The following GRID1 variants were observed in gnomAD, a reference collection of about 807,000 sequenced individuals.
GRID1 encodes glutamate ionotropic receptor delta type subunit 1, also known as glutamate receptor ionotropic, delta-1.
In GRID1, 28 loss-of-function variants were observed where a neutral mutation model predicts 98.0. That is an observed-to-expected ratio of 0.29 (90% CI 0.21 to 0.39). GRID1 has a LOEUF of 0.39. GRID1 is among the 10% of genes least tolerant of loss of function. The probability of loss-of-function intolerance (pLI) is 1.00; values close to 1 mark genes in which losing one functional copy is unlikely to be tolerated. For synonymous variants in GRID1, 553 were observed against 538.5 expected (o/e 1.03, Z -0.37); for missense variants, 1,111 against 1,340.5 (o/e 0.83, Z 2.67).
chr10:85,614,923 G>A (rs966801541), intron 14 of GRID1, among the ~76,000 whole-genome samples: 4 of 152,166 alleles, frequency 2.6e-5, no homozygotes, highest in South Asian at 2.1e-4. Flanking sequence ...AGCTTTCATT[G>A]GGGAGTGGAG....
At chr10:85,615,272 C>T (rs557669046) in intron 14 of GRID1, among the ~76,000 whole-genome samples, 68 of 152,300 alleles carry the variant, frequency 4.5e-4, no homozygotes, top group Admixed American at 1.8e-3. Context: ...CAAAGATTGG[C>T]TTTGGAGGCA....
intron 4 of GRID1, among the ~76,000 whole-genome samples, chr10:86,017,240 G>C (rs749591130): frequency 5.3e-5 from 8 of 152,208 alleles, no homozygotes; most frequent in Non-Finnish European, 1.0e-4. Context: ...ACTGAAAATA[G>C]AATTCCGGGC....
chr10:85,616,993 T>C (rs1430713359), intron 14 of GRID1, among the ~76,000 whole-genome samples: 1 of 152,140 alleles, frequency 6.6e-6, no homozygotes, highest in East Asian at 1.9e-4. Context: ...CACACATACA[T>C]CTACATCCTG....
intron 8 of GRID1, among the ~76,000 whole-genome samples, chr10:85,849,806 A>G (rs963492068): frequency 6.6e-6 from 1 of 152,160 alleles, no homozygotes; most frequent in Non-Finnish European, 1.5e-5. Flanking sequence ...CAACCAGCAC[A>G]TGTGCTTCTA....
chr10:86,009,531 G>A (rs1007299134), intron 4 of GRID1, among the ~76,000 whole-genome samples: 2 of 152,170 alleles, frequency 1.3e-5, no homozygotes, highest in Admixed American at 6.5e-5. Flanking sequence ...GCCAGGCCAC[G>A]CTGTTGAAGA....
At chr10:85,768,667 A>G (rs1257094745) in intron 8 of GRID1, among the ~76,000 whole-genome samples, 1 of 152,250 alleles carries the variant, frequency 6.6e-6, no homozygotes, top group Non-Finnish European at 1.5e-5. Flanking sequence ...AAAGAAAAAT[A>G]CATTTTTCAA....
chr10:85,736,997 T>A (rs1841889788), intron 8 of GRID1, among the ~76,000 whole-genome samples: 1 of 152,082 alleles, frequency 6.6e-6, no homozygotes, highest in Non-Finnish European at 1.5e-5. Context: ...AACCTGGGCC[T>A]TGGAGGGTAT....
chr10:85,948,144 C>T (rs1045235718), intron 4 of GRID1, among the ~76,000 whole-genome samples: 3 of 152,160 alleles, frequency 2.0e-5, no homozygotes, highest in Non-Finnish European at 2.9e-5. Flanking sequence ...TCAGTGTCTT[C>T]GTTTTGACAA....
At chr10:85,733,803 G>GT (rs1383308675) in intron 8 of GRID1, among the ~76,000 whole-genome samples, 3 of 152,162 alleles carry the variant, frequency 2.0e-5, no homozygotes, top group East Asian at 3.9e-4. Context: ...CCTCAATTAT[G>GT]TTTTTTTAAA....
At chr10:86,230,952 T>G (rs1484840407) in intron 2 of GRID1, among the ~76,000 whole-genome samples, 1 of 152,196 alleles carries the variant, frequency 6.6e-6, no homozygotes, top group South Asian at 2.1e-4. Flanking sequence ...CAGGCCCAAG[T>G]GGCCACACTT....
At chr10:85,862,914 AGGAGATAAT>A (rs1311098199) in intron 6 of GRID1, among the ~76,000 whole-genome samples, 3 of 152,304 alleles carry the variant, frequency 2.0e-5, no homozygotes, top group African/African-American at 7.2e-5. Context: ...AAGCAAGATG[AGGAGATAAT>A]GGAGCACTGG....
chr10:85,971,936 A>G (rs1331138325), intron 4 of GRID1, among the ~76,000 whole-genome samples: 1 of 152,164 alleles, frequency 6.6e-6, no homozygotes, highest in Non-Finnish European at 1.5e-5. Flanking sequence ...AAAATTAGAA[A>G]TAACCCAAAT....
At chr10:86,207,086 G>A (rs773157309) in intron 2 of GRID1, among the ~76,000 whole-genome samples, 12 of 152,208 alleles carry the variant, frequency 7.9e-5, no homozygotes, top group Non-Finnish European at 1.3e-4. Context: ...CACAGGCAGA[G>A]AATATACTGT....
intron 4 of GRID1, among the ~76,000 whole-genome samples, chr10:86,038,420 G>A (rs754394060): frequency 3.9e-5 from 6 of 152,212 alleles, no homozygotes; most frequent in Non-Finnish European, 8.8e-5. Flanking sequence ...TTTCTTGGAG[G>A]TACAGCTCTT....
intron 15 of GRID1, among the ~76,000 whole-genome samples, chr10:85,604,375 A>G (rs2132502906): frequency 6.6e-6 from 1 of 152,296 alleles, no homozygotes; most frequent in Non-Finnish European, 1.5e-5. Context: ...CTAGTTTGAG[A>G]ATAGAGGATG....
At chr10:85,692,424 G>A (rs1173714161) in intron 12 of GRID1, among the ~76,000 whole-genome samples, 1 of 152,164 alleles carries the variant, frequency 6.6e-6, no homozygotes, top group Admixed American at 6.5e-5. Flanking sequence ...CACTTTGGGA[G>A]GCTGAGGTGG....
intron 4 of GRID1, among the ~76,000 whole-genome samples, chr10:86,071,887 G>T (rs541333795): frequency 4.6e-4 from 70 of 152,338 alleles, no homozygotes; most frequent in African/African-American, 1.6e-3. Context: ...CCTGGAGGAG[G>T]AGGCAGAACC....
rs920015693 is a variant in GRID1, at chr10:86,318,130, T to C, written c.235+45811A>G. 5.3e-5 allele frequency among the ~76,000 whole-genome samples: 8 copies of C among 152,278 alleles called. 1 individual carries two copies. The South Asian group carries it at 1.2e-3, about 24-fold the overall frequency. On this transcript the variant is annotated intron_variant, in intron 2 of 15. Transcript: ENST00000327946. ...AGGTGCTTGGGGAGCCTCACCCCAC[T>C]GCCTGCCTCCTCTTCAGAGGCATGA...
intron 8 of GRID1, among the ~76,000 whole-genome samples, chr10:85,770,973 G>A (rs945990546): frequency 6.6e-6 from 1 of 152,056 alleles, no homozygotes; most frequent in Non-Finnish European, 1.5e-5. Context: ...TACAGAGAAC[G>A]CCACAAAGAT....
Sources: gnomAD v4.1 joint callset for allele counts (sites outside exome capture counted in the v4.1 genomes callset) on GRCh38, gnomAD v4.1.1 for gene constraint, MANE v1.5 for transcripts, NCBI Gene and HGNC (gene_info 2026-07-23, HGNC 2026-07-21) for gene names.